LRRC69: variants seen among roughly 807,000 people sequenced by gnomAD.
LRRC69 encodes leucine-rich repeat-containing protein 69.
In LRRC69, 42 loss-of-function variants were observed where a neutral mutation model predicts 37.8. The observed-to-expected ratio is 1.11, with a 90% CI of 0.87 to 1.44. LRRC69 has a LOEUF of 1.44. Among genes scored for constraint, LRRC69 ranks in the 40% most tolerant of loss-of-function variants. LRRC69 has a pLI of 0.00. For synonymous variants in LRRC69, 141 were observed against 143.1 expected (o/e 0.99, Z 0.11); for missense variants, 357 against 401.9 (o/e 0.89, Z 0.96).
intron 5 of LRRC69, among the ~76,000 whole-genome samples, chr8:91,166,292 C>T (rs1809025869): frequency 6.6e-6 from 1 of 151,562 alleles, no homozygotes; most frequent in Admixed American, 6.6e-5. Flanking sequence ...CATGTTCCTC[C>T]ACCTCATACA....
chr8:91,117,835 C>T (rs551374566), intron 1 of LRRC69, among the ~76,000 whole-genome samples: 18 of 151,800 alleles, frequency 1.2e-4, no homozygotes, highest in African/African-American at 4.3e-4. Flanking sequence ...GAGCTGATTT[C>T]CTGTCTCACC....
At chr8:91,192,321 T>C (rs1809512253) in intron 6 of LRRC69, among the ~76,000 whole-genome samples, 1 of 152,154 alleles carries the variant, frequency 6.6e-6, no homozygotes, top group Non-Finnish European at 1.5e-5. Context: ...TGCATGTGTC[T>C]TTACAGCAGC....
At chr8:91,141,187 G>T (rs887149373) in intron 5 of LRRC69, among the ~76,000 whole-genome samples, 1 of 152,008 alleles carries the variant, frequency 6.6e-6, no homozygotes, top group African/African-American at 2.4e-5. Flanking sequence ...CAACACTGTC[G>T]GTTGTTCAGT....
At chr8:91,163,778 A>G (rs868365365) in intron 5 of LRRC69, among the ~76,000 whole-genome samples, 1 of 150,624 alleles carries the variant, frequency 6.6e-6, no homozygotes, top group Non-Finnish European at 1.5e-5. Context: ...ATGGCTGCCA[A>G]GTTTAGAAAA....
intron 5 of LRRC69, among the ~76,000 whole-genome samples, chr8:91,166,772 A>T (rs1406573318): frequency 6.6e-6 from 1 of 151,830 alleles, no homozygotes; most frequent in Non-Finnish European, 1.5e-5. Flanking sequence ...GCCCTGGGGA[A>T]TGGCAAGTAG....
intron 1 of LRRC69, among the ~76,000 whole-genome samples, chr8:91,112,045 T>C (rs1283941401): frequency 6.6e-6 from 1 of 152,040 alleles, no homozygotes; most frequent in African/African-American, 2.4e-5. Flanking sequence ...AAATCTGTTA[T>C]AATTATTGGA....
At chr8:91,168,990 T>G (rs750795029) in intron 5 of LRRC69, among the ~76,000 whole-genome samples, 3 of 151,944 alleles carry the variant, frequency 2.0e-5, no homozygotes, top group Non-Finnish European at 4.4e-5. Flanking sequence ...TTTAAAATCT[T>G]GGGACTAACG....
At chr8:91,128,364 A>T (rs1411575544) in intron 3 of LRRC69, among the ~76,000 whole-genome samples, 2 of 152,104 alleles carry the variant, frequency 1.3e-5, no homozygotes, top group Non-Finnish European at 1.5e-5. Context: ...TATTCAAGGA[A>T]TCGTAAATCT....
chr8:91,212,385 G>A (rs1809945644), intron 7 of LRRC69, among the ~76,000 whole-genome samples: 1 of 152,008 alleles, frequency 6.6e-6, no homozygotes, highest in Non-Finnish European at 1.5e-5. Context: ...GGGAGGGAAT[G>A]GTTTGGAACA....
chr8:91,121,075 A>G (rs149113721), intron 1 of LRRC69, among the ~76,000 whole-genome samples: 71 of 151,972 alleles, frequency 4.7e-4, no homozygotes, highest in Non-Finnish European at 8.5e-4. Context: ...TGATTCTTCT[A>G]TTTATCTTAC....
intron 7 of LRRC69, among the ~76,000 whole-genome samples, chr8:91,211,134 A>G (rs985455454): frequency 7.9e-5 from 12 of 152,180 alleles, no homozygotes; most frequent in African/African-American, 2.9e-4. Context: ...ATGTAGACTT[A>G]TATGTGTAGA....
chr8:91,196,622 TC>T (rs1809606277), intron 6 of LRRC69, among the ~76,000 whole-genome samples: 1 of 152,210 alleles, frequency 6.6e-6, no homozygotes, highest in South Asian at 2.1e-4. Context: ...TACCCTTTCT[TC>T]CAGTTGATCG....
intron 7 of LRRC69, among the ~76,000 whole-genome samples, chr8:91,201,105 C>T (rs1413999203): frequency 6.6e-6 from 1 of 152,114 alleles, no homozygotes. Flanking sequence ...AAATTCTTCT[C>T]AGAAGAAGAA....
At chr8:91,186,155 T>C (rs1363314650) in intron 5 of LRRC69, among the ~76,000 whole-genome samples, 1 of 152,208 alleles carries the variant, frequency 6.6e-6, no homozygotes, top group East Asian at 1.9e-4. Flanking sequence ...TGAGAAGATA[T>C]TTGTTTATTC....
chr8:91,119,963 A>T (rs1191112557), intron 1 of LRRC69, among the ~76,000 whole-genome samples: 2 of 151,944 alleles, frequency 1.3e-5, no homozygotes, highest in East Asian at 3.9e-4. Flanking sequence ...TATTTAAGGC[A>T]TGAGTTTCTA....
Position 91,140,979 on chromosome 8 carries a change from T to G in LRRC69, c.651+5240T>G, listed in dbSNP as rs1448936713. On this transcript the variant is annotated intron_variant, in intron 5 of 7. Transcript: ENST00000448384. ...CAATATGTGATTTTTAATCATTGGG[T>G]GTTCTTCTACCTTTTCTTTATCGTG... Among the ~76,000 whole-genome samples the G allele has an allele frequency of 2.6e-5, 4 of 152,062 alleles. No homozygotes were observed. In the East Asian group the frequency reaches 5.8e-4, roughly 22 times the overall value.
At chr8:91,126,215 G>A (rs986366959) in intron 2 of LRRC69, among the ~76,000 whole-genome samples, 1 of 152,006 alleles carries the variant, frequency 6.6e-6, no homozygotes, top group African/African-American at 2.4e-5. Context: ...GATCAGGGCT[G>A]GAGTTGGGTC....
chr8:91,157,481 C>A (rs370042476), intron 5 of LRRC69: 8 of 1,593,334 alleles, frequency 5.0e-6, no homozygotes, highest in Non-Finnish European at 6.0e-6. Context: ...AGTTTACATG[C>A]AAATTGGAGA....
intron 5 of LRRC69, among the ~76,000 whole-genome samples, chr8:91,172,630 C>T (rs1469527435): frequency 6.6e-6 from 1 of 151,944 alleles, no homozygotes; most frequent in Non-Finnish European, 1.5e-5. Flanking sequence ...ATTATCCTGC[C>T]TCAGCCTCCC....
Sources: allele counts gnomAD v4.1 joint callset (sites outside exome capture counted in the v4.1 genomes callset), GRCh38; gene constraint gnomAD v4.1.1; transcripts MANE v1.5; gene names NCBI Gene and HGNC (gene_info 2026-07-23, HGNC 2026-07-21).